The following GALC variants were observed in gnomAD, a reference collection of about 807,000 sequenced individuals.
GALC encodes the protein galactocerebrosidase.
GALC carries 77 observed loss-of-function variants against 91.8 expected under a neutral mutation model. That is an observed-to-expected ratio of 0.84 (90% CI 0.70 to 1.01). The LOEUF is 1.01. Ranked by LOEUF, GALC falls within the 50% of genes least tolerant of loss-of-function variation. The pLI is 0.00. For missense variants in GALC, 882 were observed against 855.9 expected, an observed-to-expected ratio of 1.03 and a Z score of -0.38; for synonymous variants, 357 against 306.7, an observed-to-expected ratio of 1.16 and a Z score of -1.71.
intron 16 of GALC, among the ~76,000 whole-genome samples, chr14:87,936,920 A>ATATATATATATT (rs1257801348): frequency 4.2e-5 from 6 of 141,398 alleles, no homozygotes; most frequent in East Asian, 2.1e-4. Context: ...ATATTTATTT[A>ATATATATATATT]TTTTCTCATT....
At position 87,984,489 on chromosome 14, in the gene GALC, A is replaced by G; in HGVS notation, c.487T>C (p.Trp163Arg). The G allele has an allele frequency of 6.2e-7, 1 of 1,614,180 alleles. No individual in the cohort carries two copies. Among genetic ancestry groups the G allele is most frequent in the Non-Finnish European group, 8.5e-7 (1 of 1,180,012 alleles). Residue 163 changes from tryptophan to arginine, a missense_variant, in exon 5 of 17, where the codon TGG becomes CGG. Transcript: ENST00000261304. Reference protein sequence around the residue: ...FPGWLGKGFDWPYVNLQLTAY... With the variant: ...FPGWLGKGFDRPYVNLQLTAY... Reference sequence around the variant, plus strand: ...GTCAGCTGAAGATTGACATAAGGCCAGTCGAAACCTTTTCCCAGCCATCCA... The same window carrying G: ...GTCAGCTGAAGATTGACATAAGGCCGGTCGAAACCTTTTCCCAGCCATCCA...
intron 10 of GALC, chr14:87,953,939 G>A (rs1885412633): frequency 6.2e-7 from 1 of 1,610,038 alleles, no homozygotes; most frequent in Admixed American, 1.7e-5. Context: ...CAGAAACTAA[G>A]AAGGTTTTTC....
intron 7 of GALC, among the ~76,000 whole-genome samples, chr14:87,972,780 G>C (rs772727563): frequency 6.6e-5 from 10 of 151,936 alleles, no homozygotes; most frequent in Non-Finnish European, 1.2e-4. Flanking sequence ...GAAAAATTCA[G>C]AGAAATACAA....
intron 10 of GALC, among the ~76,000 whole-genome samples, chr14:87,961,763 T>C (rs1885816565): frequency 6.6e-6 from 1 of 152,096 alleles, no homozygotes. Flanking sequence ...GCAGATGAGA[T>C]CCTGAGACAC....
At chr14:87,979,160 G>T (rs1458156398) in intron 6 of GALC, among the ~76,000 whole-genome samples, 1 of 152,102 alleles carries the variant, frequency 6.6e-6, no homozygotes, top group South Asian at 2.1e-4. Flanking sequence ...AAGTAGATGG[G>T]ATTACAGGCG....
chr14:87,982,803 CCATAACTCCA>C (rs1886804948), intron 5 of GALC, among the ~76,000 whole-genome samples: 1 of 152,144 alleles, frequency 6.6e-6, no homozygotes, highest in South Asian at 2.1e-4. Flanking sequence ...GAAAGAACTT[CCATAACTCCA>C]CAGTTGAGAA....
intron 6 of GALC, chr14:87,981,065 C>T (rs1438156372): frequency 1.3e-5 from 2 of 152,144 alleles, no homozygotes; most frequent in African/African-American, 2.4e-5. Flanking sequence ...AAAAACCCAT[C>T]AATCAGTACG....
chr14:87,941,988 C>T (rs561857506), intron 14 of GALC, among the ~76,000 whole-genome samples: 9 of 152,054 alleles, frequency 5.9e-5, no homozygotes, highest in African/African-American at 2.2e-4. Context: ...ATGCTAGGAG[C>T]CTTTGAGAGA....
At chr14:87,952,398 G>C (rs770419469) in intron 10 of GALC, 19 of 397,450 alleles carry the variant, frequency 4.8e-5, no homozygotes, top group Non-Finnish European at 8.9e-5. Flanking sequence ...AGAGGTTTAA[G>C]ACTAATGTTG....
chr14:87,944,449 C>G (rs1884983567), intron 14 of GALC, among the ~76,000 whole-genome samples: 1 of 151,876 alleles, frequency 6.6e-6, no homozygotes, highest in African/African-American at 2.4e-5. Context: ...AAAATAAGAC[C>G]ATCAGTCACA....
chr14:87,957,776 T>C (rs376222), intron 10 of GALC, among the ~76,000 whole-genome samples: 70,129 of 151,912 alleles, frequency 0.46, 16,406 homozygotes, highest in African/African-American at 0.49. Context: ...GCTACAAAAA[T>C]ATATAAGAAT....
chr14:87,934,394 G>C lies in GALC; in HGVS notation c.*338C>G, dbSNP rs970984424. 8.7e-6 allele frequency: 11 copies of C among 1,266,212 alleles called. No homozygotes were observed. The highest frequency in any genetic ancestry group is 1.5e-5 in the African/African-American group (1 of 65,804). 78.4% of individuals were successfully genotyped at this position (1,266,212 alleles called of 1,614,324 possible). On this transcript the variant is annotated 3_prime_UTR_variant, in exon 17 of 17. Transcript: ENST00000261304. ...TCAAGTTACTGCCATCTACAGGACCGCTTGCAAATAAGATGAAGAGAGCTA... is the reference window on the plus strand; with the variant it reads ...TCAAGTTACTGCCATCTACAGGACCCCTTGCAAATAAGATGAAGAGAGCTA...
chr14:87,936,277 A>G (rs757664726), intron 16 of GALC, among the ~76,000 whole-genome samples: 1 of 151,850 alleles, frequency 6.6e-6, no homozygotes, highest in East Asian at 1.9e-4. Flanking sequence ...TCATGACTCT[A>G]TTTTTTCTTC....
intron 10 of GALC, chr14:87,952,623 C>T (rs1269326026): frequency 6.6e-7 from 1 of 1,525,548 alleles, no homozygotes; most frequent in African/African-American, 1.4e-5. Flanking sequence ...ATACAGTCAA[C>T]ATTCTTTATA....
intron 6 of GALC, among the ~76,000 whole-genome samples, chr14:87,977,044 G>A (rs67933350): frequency 0.066 from 8,260 of 124,696 alleles, 1,208 homozygotes; most frequent in East Asian, 0.57. Flanking sequence ...GGGGGGGGGG[G>A]ATGAAACAAA....
At chr14:87,980,020 T>C (rs985886441) in intron 6 of GALC, among the ~76,000 whole-genome samples, 1 of 151,932 alleles carries the variant, frequency 6.6e-6, no homozygotes, top group African/African-American at 2.4e-5. Flanking sequence ...CTTGAGTACC[T>C]AGCTCTGGCT....
chr14:87,934,929 G>A, intron 16 of GALC, 51 bp from the exon 17 acceptor site: 1 of 1,389,192 alleles, frequency 7.2e-7, no homozygotes, highest in East Asian at 2.3e-5. Flanking sequence ...ATGGTCCTCT[G>A]AAGTCTGTTT....
At chr14:87,942,463 C>T (rs1472153704) in intron 14 of GALC, among the ~76,000 whole-genome samples, 1 of 151,992 alleles carries the variant, frequency 6.6e-6, no homozygotes, top group Admixed American at 6.6e-5. Flanking sequence ...CCAGGTACAA[C>T]ACTTTCCTTC....
intron 8 of GALC, among the ~76,000 whole-genome samples, chr14:87,967,674 T>G (rs1886111789): frequency 6.6e-6 from 1 of 152,128 alleles, no homozygotes; most frequent in African/African-American, 2.4e-5. Context: ...ATTACACATA[T>G]CAAGTGATGC....
Sources: allele counts gnomAD v4.1 joint callset (sites outside exome capture counted in the v4.1 genomes callset), GRCh38; gene constraint gnomAD v4.1.1; transcripts MANE v1.5; gene names NCBI Gene and HGNC (gene_info 2026-07-23, HGNC 2026-07-21).